Variants in TRPM3 observed in about 807,000 individuals in gnomAD.
TRPM3 encodes transient receptor potential cation channel subfamily M member 3.
Under a neutral mutation model 181.2 loss-of-function variants are expected in TRPM3, and 77 were observed. The ratio of observed to expected loss-of-function variants is 0.42; its 90% CI spans 0.35 to 0.51. The LOEUF is 0.51. Ranked by LOEUF, TRPM3 falls within the 20% of genes least tolerant of loss-of-function variation. The pLI, the probability that TRPM3 is intolerant of heterozygous loss-of-function variation, is 0.01. For missense variants in TRPM3, 1,759 were observed against 2,196.7 expected (o/e 0.80, Z 3.98); for synonymous variants, 745 against 796.4 (o/e 0.94, Z 1.09).
At chr9:71,416,501 G>A (rs2093638897) in intron 1 of TRPM3, among the ~76,000 whole-genome samples, 1 of 151,728 alleles carries the variant, frequency 6.6e-6, no homozygotes, top group African/African-American at 2.4e-5. Context: ...AGAAAATATA[G>A]CTGGTTTCCT....
chr9:71,156,396 C>T (rs1210207663), intron 1 of TRPM3, among the ~76,000 whole-genome samples: 2 of 146,988 alleles, frequency 1.4e-5, no homozygotes, highest in South Asian at 2.2e-4. Flanking sequence ...CACACACACA[C>T]ACACACACAC....
At chr9:71,292,082 A>T (rs556444491) in intron 1 of TRPM3, among the ~76,000 whole-genome samples, 1 of 152,168 alleles carries the variant, frequency 6.6e-6, no homozygotes, top group Admixed American at 6.6e-5. Flanking sequence ...AACAACAGAA[A>T]TTAAAGAAAT....
intron 7 of TRPM3, among the ~76,000 whole-genome samples, chr9:70,782,138 TAA>T (rs939615943): frequency 2.6e-5 from 4 of 151,672 alleles, no homozygotes; most frequent in East Asian, 1.9e-4. Context: ...TTAAAATTAT[TAA>T]GTTTATTTCT....
intron 1 of TRPM3, among the ~76,000 whole-genome samples, chr9:71,099,007 T>G (rs980353876): frequency 6.6e-6 from 1 of 152,158 alleles, no homozygotes; most frequent in Non-Finnish European, 1.5e-5. Context: ...CCCTAATACT[T>G]TGGCTTCACA....
chr9:70,914,935 C>T (rs920305195), intron 1 of TRPM3, among the ~76,000 whole-genome samples: 4 of 152,172 alleles, frequency 2.6e-5, no homozygotes, highest in Non-Finnish European at 5.9e-5. Context: ...GCTTAGATTA[C>T]AACACCCAAG....
At position 70,531,245 on chromosome 9, in the gene TRPM3, C is replaced by T. The variant is rs1323243711; in HGVS notation, c.*4708G>A. On this transcript the variant is annotated 3_prime_UTR_variant, in exon 26 of 26. Coordinates refer to ENST00000677713, the MANE Select transcript of TRPM3 (RefSeq NM_001366145.2). ...GCCACCTCTGGGTCCCATGGCTATA[C>T]AACCTGCAGTTAATACTTTATTTCA... The T allele has an allele frequency of 6.6e-6, 1 of 152,160 alleles. No individual in the cohort carries two copies. The highest frequency in any genetic ancestry group is 2.4e-5 in the African/African-American group (1 of 41,432). 9.4% of individuals were successfully genotyped at this position (152,160 alleles called of 1,614,324 possible).
At chr9:70,560,185 G>A (rs73649171) in intron 22 of TRPM3, among the ~76,000 whole-genome samples, 118 of 152,296 alleles carry the variant, frequency 7.7e-4, no homozygotes, top group African/African-American at 2.5e-3. Context: ...GGAAACATGT[G>A]CCGAGGGGTG....
At chr9:70,777,992 G>GAC (rs71367226) in intron 7 of TRPM3, among the ~76,000 whole-genome samples, 7,172 of 135,370 alleles carry the variant, frequency 0.053, 193 homozygotes, top group Non-Finnish European at 0.066. Flanking sequence ...AACAGACACA[G>GAC]ACACACACAC....
At chr9:71,418,411 T>C (rs1379477326) in intron 1 of TRPM3, among the ~76,000 whole-genome samples, 1 of 151,920 alleles carries the variant, frequency 6.6e-6, no homozygotes, top group East Asian at 1.9e-4. Context: ...GATACGCCTC[T>C]GTTGAGATGA....
chr9:71,257,699 CA>C (rs2132053542), intron 1 of TRPM3, among the ~76,000 whole-genome samples: 1 of 152,232 alleles, frequency 6.6e-6, no homozygotes, highest in African/African-American at 2.4e-5. Flanking sequence ...TTCTTAAAAC[CA>C]GTAACCGCAA....
rs147818185 is a variant in TRPM3 at position 71,003,594 on chromosome 9, T to C, written c.177+117584A>G. ...GGCTGTTTCTCCACAACCTTGCTAA[T>C]AGGATGTGTTGTTGATCTTTTGAAT... is the stretch of plus-strand genomic sequence containing the variant. On this transcript the variant is annotated intron_variant, in intron 1 of 25. Transcript: ENST00000677713. Among the ~76,000 whole-genome samples, 757 of 152,266 alleles carry C rather than the reference T, an allele frequency of 5.0e-3. 19 individuals are homozygous for C. The East Asian group carries it at 0.078, about 16-fold the overall frequency.
At chr9:71,172,007 T>G (rs1228993089) in intron 1 of TRPM3, among the ~76,000 whole-genome samples, 1 of 152,088 alleles carries the variant, frequency 6.6e-6, no homozygotes, top group African/African-American at 2.4e-5. Flanking sequence ...GAAGTCATCC[T>G]CCTGCCTCAG....
intron 1 of TRPM3, among the ~76,000 whole-genome samples, chr9:71,354,321 A>G (rs1588637169): frequency 6.6e-6 from 1 of 152,132 alleles, no homozygotes; most frequent in Non-Finnish European, 1.5e-5. Flanking sequence ...CACCTTATCA[A>G]TGACTCTATT....
At chr9:70,749,434 A>G in intron 8 of TRPM3, among the ~76,000 whole-genome samples, 1 of 152,198 alleles carries the variant, frequency 6.6e-6, no homozygotes, top group Non-Finnish European at 1.5e-5. Flanking sequence ...ATGATTAGAA[A>G]GCTATTTTTT....
At chr9:71,424,353 T>C (rs75111139) in intron 1 of TRPM3, among the ~76,000 whole-genome samples, 4,685 of 152,186 alleles carry the variant, frequency 0.031, 243 homozygotes, top group African/African-American at 0.1. Flanking sequence ...CCATTTTTTT[T>C]CCACTAAAAC....
chr9:70,926,010 AAC>A (rs1227661367), intron 1 of TRPM3, among the ~76,000 whole-genome samples: 1 of 151,642 alleles, frequency 6.6e-6, no homozygotes, highest in Non-Finnish European at 1.5e-5. Context: ...AAAAAAAAAA[AAC>A]AAACAAAAGC....
Position 70,761,505 on chromosome 9 carries a change from AAGAG to A in TRPM3, c.1272+92_1272+95del, listed in dbSNP as rs773308055. On this transcript the variant is annotated intron_variant, in intron 8 of 25. Transcript: ENST00000677713. The stretch of plus-strand genomic sequence containing the variant: ...GAGGAGAGCTGTAAGCTCGGCCAGA[AAGAG>A]AGAATGTTGCATGATTTGAGAAAAT... 5 of 1,577,780 alleles carry A rather than the reference AAGAG, an allele frequency of 3.2e-6. No individual in the cohort carries two copies. In the East Asian group the frequency reaches 6.8e-5, roughly 21 times the overall value.
chr9:70,809,240 TA>T (rs1280763458), intron 6 of TRPM3, among the ~76,000 whole-genome samples: 4 of 152,162 alleles, frequency 2.6e-5, no homozygotes, highest in African/African-American at 7.2e-5. Flanking sequence ...GTTTACAAAG[TA>T]AAAAAGTTAC....
At chr9:71,314,522 G>A (rs2088354487) in intron 1 of TRPM3, among the ~76,000 whole-genome samples, 1 of 152,116 alleles carries the variant, frequency 6.6e-6, no homozygotes, top group African/African-American at 2.4e-5. Context: ...AAGAAGCAAT[G>A]GAGAGGGAAA....
Sources: allele counts gnomAD v4.1 joint callset (sites outside exome capture counted in the v4.1 genomes callset), GRCh38; gene constraint gnomAD v4.1.1; transcripts MANE v1.5; gene names NCBI Gene and HGNC (gene_info 2026-07-23, HGNC 2026-07-21).